Variants in ATP1A4 observed in about 807,000 individuals in gnomAD.
The protein encoded by ATP1A4 is ATPase Na+/K+ transporting subunit alpha 4.
ATP1A4 carries 90 observed loss-of-function variants against 114.3 expected under a neutral mutation model. The observed-to-expected ratio is 0.79, with a 90% CI of 0.66 to 0.94. The LOEUF (loss-of-function observed/expected upper bound fraction) is 0.94. ATP1A4 is among the 40% of genes least tolerant of loss of function. ATP1A4 has a pLI of 0.00. For missense variants in ATP1A4, 1,222 were observed against 1,313.6 expected (o/e 0.93, Z 1.08); for synonymous variants, 511 against 494.1 (o/e 1.03, Z -0.45).
rs750511303 is a variant in ATP1A4 at position 160,181,714 on chromosome 1, A to T, written c.2767A>T (p.Thr923Ser). The T allele has an allele frequency of 6.2e-7, 1 of 1,614,148 alleles. No homozygotes were observed. Among genetic ancestry groups the T allele is most frequent in the South Asian group, 1.1e-5 (1 of 91,082 alleles). The change falls in exon 19 of 22, where the codon ACA becomes TCA. Residue 923 changes from threonine (T) to serine (S), a missense_variant. Thr to Ser is a moderately conservative substitution (Grantham distance 58, BLOSUM62 1). Coordinates refer to ENST00000368081, the MANE Select transcript of ATP1A4 (RefSeq NM_144699.4). ...TGAGCAACGAAAAGTTGTGGAGTTC[A>T]CATGCCAAACGGCCTTTTTTGTCAC... ...TYEQRKVVEF[T>S]CQTAFFVTIV...
chr1:160,166,064 G>A, intron 7 of ATP1A4, among the ~76,000 whole-genome samples: 1 of 152,144 alleles, frequency 6.6e-6, no homozygotes, highest in East Asian at 1.9e-4. Flanking sequence ...GAGCCCAGGA[G>A]TTCAAGACCA....
intron 7 of ATP1A4, 29 bp downstream of exon 7, chr1:160,164,453 A>C: frequency 6.2e-7 from 1 of 1,610,106 alleles, no homozygotes; most frequent in South Asian, 1.1e-5. Flanking sequence ...AAATGGCCTC[A>C]GGGCAGACAA....
At chr1:160,173,787 C>A in intron 13 of ATP1A4, 70 bp downstream of exon 13, 1 of 1,556,046 alleles carries the variant, frequency 6.4e-7, no homozygotes, top group Non-Finnish European at 8.7e-7. Flanking sequence ...CCAGATGCCA[C>A]TTTACTAAAG....
intron 4 of ATP1A4, 124 bp from the exon 5 acceptor site, chr1:160,158,878 G>A: frequency 9.6e-7 from 1 of 1,044,846 alleles, no homozygotes; most frequent in Non-Finnish European, 1.4e-6. Context: ...CAAGAATGAT[G>A]TGGTGGGTGA....
chr1:160,186,646 C>T, intron 21 of ATP1A4, 25 bp from the exon 22 acceptor site: 3 of 1,607,136 alleles, frequency 1.9e-6, no homozygotes, highest in Non-Finnish European at 2.5e-6. Context: ...TCTCCCAGTT[C>T]ACGCTGGCCT....
chr1:160,181,970 T>A lies in ATP1A4; in HGVS notation c.2908T>A (p.Leu970Met). ...ATTTGGGATCCTGGAGGAGACACTC[T>A]TGGCTGCATTTCTGTCCTACACTCC... ...LIFGILEETL[L>M]AAFLSYTPGM... is the part of the protein sequence containing the mutation. The change falls in exon 20 of 22, where the codon TTG becomes ATG. Residue 970 changes from leucine to methionine, a missense_variant. By Grantham distance (15) the Leu-to-Met change is conservative. Coordinates refer to ENST00000368081, the MANE Select transcript of ATP1A4 (RefSeq NM_144699.4). 1.2e-6 allele frequency: 2 copies of A among 1,614,196 alleles called. No homozygotes were observed. The highest frequency in any genetic ancestry group is 1.7e-5 in the Admixed American group (1 of 60,020).
At position 160,181,956 on chromosome 1, in the gene ATP1A4, T is replaced by A; in HGVS notation, c.2894T>A (p.Leu965Gln). 5 of 1,614,054 alleles carry A rather than the reference T, an allele frequency of 3.1e-6. No individual in the cohort carries two copies. The highest frequency in any genetic ancestry group is 4.2e-6 in the Non-Finnish European group (5 of 1,179,924). Residue 965 changes from leucine to glutamine, a missense_variant, in exon 20 of 22, where the codon CTG (leucine) becomes CAG (glutamine). By Grantham distance (113) the Leu-to-Gln change is moderately radical (BLOSUM62 -2). Coordinates refer to ENST00000368081, the MANE Select transcript of ATP1A4 (RefSeq NM_144699.4). ...AACAAAGTCTTAATATTTGGGATCC[T>A]GGAGGAGACACTCTTGGCTGCATTT... is the stretch of plus-strand genomic sequence containing the variant. ...MRNKVLIFGI[L>Q]EETLLAAFLS...
chr1:160,176,894 AGAGGC>A (rs1653485115), intron 17 of ATP1A4, among the ~76,000 whole-genome samples: 1 of 152,212 alleles, frequency 6.6e-6, no homozygotes, highest in Non-Finnish European at 1.5e-5. Flanking sequence ...GGATAGCCAG[AGAGGC>A]CTTATGCAGG....
At chr1:160,172,034 C>G (rs1653282965) in intron 12 of ATP1A4, among the ~76,000 whole-genome samples, 1 of 152,078 alleles carries the variant, frequency 6.6e-6, no homozygotes, top group South Asian at 2.1e-4. Flanking sequence ...ATCCTGGCAA[C>G]AGTATTTTTA....
At chr1:160,175,040 A>G (rs574274975) in intron 15 of ATP1A4, among the ~76,000 whole-genome samples, 14 of 152,142 alleles carry the variant, frequency 9.2e-5, no homozygotes, top group Non-Finnish European at 1.8e-4. Flanking sequence ...CTCTCACTGG[A>G]CTTCAAGTAG....
rs1247169624 is a variant in ATP1A4 at position 160,167,430 on chromosome 1, G to A, written c.1491+18G>A. On this transcript the variant is annotated intron_variant, in intron 10 of 21. Coordinates refer to ENST00000368081, the MANE Select transcript of ATP1A4 (RefSeq NM_144699.4). Reference sequence around the variant, plus strand: ...AGTACCAGGTACAGAACCCACAAAGGTAGGAGAATGGTGGTGGGGGGATGG... The same window carrying A: ...AGTACCAGGTACAGAACCCACAAAGATAGGAGAATGGTGGTGGGGGGATGG... 1.2e-6 allele frequency: 2 copies of A among 1,609,718 alleles called. No individual in the cohort carries two copies.
At chr1:160,177,244 G>C (rs1361655582) in intron 17 of ATP1A4, among the ~76,000 whole-genome samples, 1 of 152,154 alleles carries the variant, frequency 6.6e-6, no homozygotes, top group African/African-American at 2.4e-5. Context: ...GAGGGAATCA[G>C]TGGCCTCTAA....
At chr1:160,181,627 C>T (rs990849768) in intron 18 of ATP1A4, 57 bp from the exon 19 acceptor site, 23 of 1,601,350 alleles carry the variant, frequency 1.4e-5, no homozygotes, top group African/African-American at 2.7e-5. Context: ...GGAAAGAAGC[C>T]TTAGGGTGTA....
chr1:160,176,384 G>A, intron 16 of ATP1A4, 95 bp from the exon 17 acceptor site: 1 of 1,595,204 alleles, frequency 6.3e-7, no homozygotes, highest in South Asian at 1.1e-5. Flanking sequence ...AAGATGGATT[G>A]AGGCTGCGTC....
chr1:160,180,523 A>G (rs561934135), intron 18 of ATP1A4, among the ~76,000 whole-genome samples: 1 of 152,184 alleles, frequency 6.6e-6, no homozygotes, highest in Non-Finnish European at 1.5e-5. Flanking sequence ...TTTCCCCACT[A>G]GACTCTAAGT....
intron 5 of ATP1A4, 84 bp from the exon 6 acceptor site, chr1:160,159,325 C>A: frequency 2.2e-6 from 3 of 1,365,430 alleles, no homozygotes; most frequent in South Asian, 1.3e-5. Context: ...ATGTTGGTGA[C>A]CAGATGAAGA....
Position 160,177,446 on chromosome 1 carries a change from C to G in ATP1A4, c.2591-73C>G, listed in dbSNP as rs1343390956. 3 of 1,550,270 alleles carry G rather than the reference C, an allele frequency of 1.9e-6. No individual in the cohort carries two copies. In the Admixed American group the frequency reaches 5.2e-5, roughly 27 times the overall value. The stretch of plus-strand genomic sequence containing the variant: ...GCCAGAAGCAAGTCCCAGCCCCCAG[C>G]CCTCCCCTGGCCTACCTTTTGGGGC... On this transcript the variant is annotated intron_variant, in intron 17 of 21. Transcript: ENST00000368081.
chr1:160,176,506 T>G lies in ATP1A4; in HGVS notation c.2494T>G (p.Ser832Ala). ...CCCTGCCATCTCCTTGGCTTATGAG[T>G]CAGCTGAAAGCGACATCATGAAGAG... ...MVPAISLAYE[S>A]AESDIMKRLP... is the part of the protein sequence containing the mutation. Residue 832 changes from serine (S) to alanine (A), a missense_variant, in exon 17 of 22, where the codon TCA becomes GCA. Coordinates refer to ENST00000368081, the MANE Select transcript of ATP1A4 (RefSeq NM_144699.4). 1 of 1,614,084 alleles carries G rather than the reference T, an allele frequency of 6.2e-7. No individual in the cohort carries two copies. Among genetic ancestry groups the G allele is most frequent in the South Asian group, 1.1e-5 (1 of 91,074 alleles).
In ATP1A4 at chr1:160,155,042, C is replaced by T; in HGVS notation, c.208-3C>T. ...TATCCAACCCTATTTCTTCTCTGCA[C>T]AGGGCCATAGCCACCAAAGGGCAAA... is the stretch of plus-strand genomic sequence containing the variant. On this transcript the variant is annotated splice_polypyrimidine_tract_variant and splice_region_variant and intron_variant, in intron 2 of 21. Transcript: ENST00000368081. 1 of 1,613,186 alleles carries T rather than the reference C, an allele frequency of 6.2e-7. No individual in the cohort carries two copies. Among genetic ancestry groups the T allele is most frequent in the Non-Finnish European group, 8.5e-7 (1 of 1,179,548 alleles).
Sources: gnomAD v4.1 joint callset for allele counts (sites outside exome capture counted in the v4.1 genomes callset) on GRCh38, gnomAD v4.1.1 for gene constraint, MANE v1.5 for transcripts, NCBI Gene and HGNC (gene_info 2026-07-23, HGNC 2026-07-21) for gene names.